Variants in TMEM44 observed in about 807,000 individuals in gnomAD.
TMEM44 encodes the protein transmembrane protein 44.
Under a neutral mutation model 47.8 loss-of-function variants are expected in TMEM44, and 43 were observed. The ratio of observed to expected loss-of-function variants is 0.90; its 90% CI spans 0.70 to 1.16. The LOEUF (loss-of-function observed/expected upper bound fraction) is 1.16. TMEM44 is among the 50% of genes most tolerant of loss of function. TMEM44 has a pLI of 0.00. For synonymous variants in TMEM44, 277 were observed against 238.8 expected, an observed-to-expected ratio of 1.16 and a Z score of -1.48; for missense variants, 568 against 555.2, an observed-to-expected ratio of 1.02 and a Z score of -0.23.
Position 194,611,280 on chromosome 3 carries a change from A to G in TMEM44, c.913-260T>C, listed in dbSNP as rs1715297090. ...TTTTATTTTATTTTATTTTTTGTAG[A>G]GACCAGTTTCACTGTACTGACCAGG... On this transcript the variant is annotated intron_variant, in intron 7 of 9. Transcript: ENST00000347147. This position sits in a 1 kb window ranked among gnomAD's most constrained non-coding sequence, Gnocchi z 4.2. Among the ~76,000 whole-genome samples, 1 of 152,124 alleles carries G rather than the reference A, an allele frequency of 6.6e-6. No individual in the cohort carries two copies. Among genetic ancestry groups the G allele is most frequent in the Non-Finnish European group, 1.5e-5 (1 of 68,010 alleles).
At chr3:194,588,788 C>T (rs1712191183) in intron 9 of TMEM44, 149 bp from the exon 10 acceptor site, 2 of 729,054 alleles carry the variant, frequency 2.7e-6, no homozygotes. Context: ...GTTACCCAGG[C>T]CTGTGTTTCT....
intron 8 of TMEM44, among the ~76,000 whole-genome samples, 165 bp downstream of exon 8, chr3:194,610,751 C>G (rs552118801): frequency 2.6e-4 from 39 of 152,328 alleles, no homozygotes; most frequent in South Asian, 2.1e-4. Flanking sequence ...CAACACTCCC[C>G]CATATCTGCC....
In TMEM44 at chr3:194,599,845, C is replaced by T. The variant is rs551189119; in HGVS notation, c.1176+4442G>A. Among the ~76,000 whole-genome samples, 115 of 145,006 alleles carry T rather than the reference C, an allele frequency of 7.9e-4. 1 individual carries two copies. In the South Asian group the frequency reaches 0.023, roughly 29 times the overall value. On this transcript the variant is annotated intron_variant, in intron 9 of 9. Coordinates refer to ENST00000347147, the MANE Select transcript of TMEM44 (RefSeq NM_001011655.3). ...CTCGATCTCGGCTCACTGCAACCTCCGCCTCCCGAGTTCAAGTGATTCTCC... is the reference window on the plus strand; with the variant it reads ...CTCGATCTCGGCTCACTGCAACCTCTGCCTCCCGAGTTCAAGTGATTCTCC...
At chr3:194,593,126 C>T (rs1712974642) in intron 9 of TMEM44, 11 of 1,591,346 alleles carry the variant, frequency 6.9e-6, no homozygotes, top group African/African-American at 2.7e-5. Context: ...TTGCCACCAT[C>T]CCACAGCAGA....
chr3:194,620,317 A>G (rs1577210291), intron 5 of TMEM44, among the ~76,000 whole-genome samples: 1 of 147,570 alleles, frequency 6.8e-6, no homozygotes, highest in African/African-American at 2.5e-5. Flanking sequence ...AAAAAATACC[A>G]GGAAGGGCCC....
intron 5 of TMEM44, among the ~76,000 whole-genome samples, chr3:194,621,610 G>T (rs1401877283): frequency 6.6e-6 from 1 of 152,182 alleles, no homozygotes; most frequent in Admixed American, 6.5e-5. Context: ...GGCAGTCACA[G>T]CACAGAATGC....
In TMEM44 at chr3:194,611,533, C is replaced by T. The variant is rs180897737; in HGVS notation, c.913-513G>A. On this transcript the variant is annotated intron_variant, in intron 7 of 9. Transcript: ENST00000347147. The surrounding 1 kb of genome is among the most constrained non-coding windows in gnomAD (Gnocchi z 4.2). Reference sequence around the variant, plus strand: ...AACAAAACAAAACAAGGAATGCCTACTTCCCACTTCCAGACATTCTGATTT... The same window carrying T: ...AACAAAACAAAACAAGGAATGCCTATTTCCCACTTCCAGACATTCTGATTT... Among the ~76,000 whole-genome samples, 51 of 152,336 alleles carry T rather than the reference C, an allele frequency of 3.3e-4. 1 individual carries two copies. The highest frequency in any genetic ancestry group is 2.9e-3 in the Admixed American group (45 of 15,304).
chr3:194,615,028 GGAGTTC>G (rs1289379781), intron 7 of TMEM44, among the ~76,000 whole-genome samples: 1 of 152,130 alleles, frequency 6.6e-6, no homozygotes, highest in East Asian at 1.9e-4. Context: ...CCTGAGGTCA[GGAGTTC>G]GAGACCAGCC....
At chr3:194,618,652 T>C (rs973623642) in intron 5 of TMEM44, among the ~76,000 whole-genome samples, 4 of 151,206 alleles carry the variant, frequency 2.6e-5, no homozygotes, top group African/African-American at 7.3e-5. Flanking sequence ...TATAAACTCA[T>C]TAGATGACTC....
In TMEM44 at chr3:194,611,338, C is replaced by T. The variant is rs111713041; in HGVS notation, c.913-318G>A. ...CAAAGTCCTGGGCTCAAGTGATCCA[C>T]GAGTGATCCTCCCACCTCGGCCTCC... On this transcript the variant is annotated intron_variant, in intron 7 of 9. Transcript: ENST00000347147. The surrounding 1 kb of genome is among the most constrained non-coding windows in gnomAD (Gnocchi z 4.2). Among the ~76,000 whole-genome samples the T allele has an allele frequency of 4.6e-5, 7 of 152,224 alleles. No homozygotes were observed. The highest frequency in any genetic ancestry group is 1.9e-4 in the East Asian group (1 of 5,172).
In TMEM44 at chr3:194,633,343, G is replaced by T. The variant is rs1718039730; in HGVS notation, c.-128C>A. On this transcript the variant is annotated 5_prime_UTR_variant, in exon 1 of 10. Transcript: ENST00000347147. Reference sequence around the variant, plus strand: ...CCGTTCCGCCGCGGCGCCTCCGGCCGAGCGCACCGACCGCGGGCAGAGAAG... The same window carrying T: ...CCGTTCCGCCGCGGCGCCTCCGGCCTAGCGCACCGACCGCGGGCAGAGAAG... 2 of 355,366 alleles carry T rather than the reference G, an allele frequency of 5.6e-6. No individual in the cohort carries two copies. The highest frequency in any genetic ancestry group is 1.6e-4 in the East Asian group (1 of 6,326). The allele number at this position is 355,366 out of a possible 1,614,324, so 22.0% of individuals were successfully genotyped here.
At chr3:194,629,558 T>A (rs1279340062) in intron 1 of TMEM44, among the ~76,000 whole-genome samples, 1 of 134,566 alleles carries the variant, frequency 7.4e-6, no homozygotes, top group African/African-American at 2.8e-5. Flanking sequence ...TGATAGGGCC[T>A]CTGAAATACA....
At chr3:194,618,154 C>A (rs1238579472) in intron 5 of TMEM44, among the ~76,000 whole-genome samples, 1 of 152,300 alleles carries the variant, frequency 6.6e-6, no homozygotes, top group East Asian at 1.9e-4. Flanking sequence ...AGGCCCGGCC[C>A]TTCTCTCCCT....
chr3:194,604,670 C>T (rs1041342077), intron 8 of TMEM44, among the ~76,000 whole-genome samples: 4 of 152,208 alleles, frequency 2.6e-5, no homozygotes, highest in African/African-American at 4.8e-5. Context: ...ACCAAATCCA[C>T]GTACACATAT....
intron 1 of TMEM44, among the ~76,000 whole-genome samples, chr3:194,629,643 G>A (rs1340442613): frequency 2.0e-5 from 3 of 151,786 alleles, no homozygotes; most frequent in Non-Finnish European, 4.4e-5. Context: ...ACACGTTGTC[G>A]TACCTGCCTC....
chr3:194,590,096 C>G (rs1182823583), intron 9 of TMEM44: 4 of 152,218 alleles, frequency 2.6e-5, no homozygotes, highest in South Asian at 2.1e-4. Flanking sequence ...GCTGCTCACA[C>G]TGAAGCTGAA....
chr3:194,625,430 TGG>T (rs769113958), intron 3 of TMEM44, among the ~76,000 whole-genome samples: 6,427 of 62,778 alleles, frequency 0.1, 515 homozygotes, highest in African/African-American at 0.29. Context: ...CCTTCTTTTT[TGG>T]GGGGGGGGGG....
intron 5 of TMEM44, among the ~76,000 whole-genome samples, chr3:194,619,019 C>T (rs1716248372): frequency 6.6e-6 from 1 of 152,386 alleles, no homozygotes; most frequent in Admixed American, 6.5e-5. Context: ...CAGGAAGCAG[C>T]ACTGCTATGG....
At chr3:194,631,317 G>A (rs893377607) in intron 1 of TMEM44, among the ~76,000 whole-genome samples, 10 of 152,130 alleles carry the variant, frequency 6.6e-5, no homozygotes, top group Admixed American at 5.2e-4. Flanking sequence ...TGGAGACACC[G>A]AGACAGGGTG....
Sources: gnomAD v4.1 joint callset for allele counts (sites outside exome capture counted in the v4.1 genomes callset) on GRCh38, gnomAD v4.1.1 for gene constraint, Gnocchi (gnomAD v3.1) non-coding constraint, MANE v1.5 for transcripts, NCBI Gene and HGNC (gene_info 2026-07-23, HGNC 2026-07-21) for gene names.